The following PODXL2 variants were observed in gnomAD, a reference collection of about 807,000 sequenced individuals.
PODXL2 encodes podocalyxin-like protein 2.
A neutral mutation model predicts 53.4 loss-of-function variants in PODXL2; 17 were observed. The ratio of observed to expected loss-of-function variants is 0.32; its 90% CI spans 0.22 to 0.48. The LOEUF (loss-of-function observed/expected upper bound fraction) is 0.48, where lower values mean the gene tolerates loss of function less well. Among genes scored for constraint, PODXL2 ranks in the 20% least tolerant of loss-of-function variants. The probability of loss-of-function intolerance (pLI) is 0.99; values close to 1 mark genes in which losing one functional copy is unlikely to be tolerated. For synonymous variants in PODXL2, 311 were observed against 306.7 expected (o/e 1.01, Z -0.15); for missense variants, 673 against 760.0 (o/e 0.89, Z 1.35).
intron 2 of PODXL2, among the ~76,000 whole-genome samples, chr3:127,645,898 G>C (rs1320630049): frequency 6.6e-6 from 1 of 152,310 alleles, no homozygotes; most frequent in African/African-American, 2.4e-5. Context: ...CCTCTTGGGG[G>C]TTGGAGGAGT....
At chr3:127,662,195 T>A in intron 3 of PODXL2, 42 bp from the exon 4 acceptor site, 1 of 1,562,624 alleles carries the variant, frequency 6.4e-7, no homozygotes, top group Non-Finnish European at 8.8e-7. Flanking sequence ...CCCTTTCCTA[T>A]GCCTTCGTAA....
chr3:127,654,746 T>C (rs1334527322), intron 2 of PODXL2, among the ~76,000 whole-genome samples: 1 of 152,182 alleles, frequency 6.6e-6, no homozygotes. Flanking sequence ...CACTTCCACT[T>C]TTCCTGTTAT....
intron 2 of PODXL2, among the ~76,000 whole-genome samples, chr3:127,648,951 C>T (rs920389121): frequency 1.3e-5 from 2 of 151,928 alleles, no homozygotes; most frequent in Non-Finnish European, 2.9e-5. Flanking sequence ...GCCACCACCC[C>T]CAGCTAATTT....
chr3:127,642,330 C>G (rs547777894), intron 2 of PODXL2, among the ~76,000 whole-genome samples: 1 of 151,046 alleles, frequency 6.6e-6, no homozygotes, highest in East Asian at 1.9e-4. Context: ...CAGCATCCCA[C>G]GCGGAAACAG....
At chr3:127,645,523 A>G (rs1371642098) in intron 2 of PODXL2, among the ~76,000 whole-genome samples, 1 of 152,190 alleles carries the variant, frequency 6.6e-6, no homozygotes, top group East Asian at 1.9e-4. Context: ...GGGGCTCCTG[A>G]CCGAGCATGG....
In PODXL2 at chr3:127,660,664, C is replaced by G. The variant is rs2074760068; in HGVS notation, c.636C>G (p.Ser212Arg). 2 of 1,614,086 alleles carry G rather than the reference C, an allele frequency of 1.2e-6. No individual in the cohort carries two copies. Among genetic ancestry groups the G allele is most frequent in the African/African-American group, 2.7e-5 (2 of 74,922 alleles). The change falls in exon 3 of 8, where the codon AGC becomes AGG. Residue 212 changes from serine (S) to arginine (R), a missense_variant. Coordinates refer to ENST00000342480, the MANE Select transcript of PODXL2 (RefSeq NM_015720.4). ...GTGACTTTTCTCTCACCAGCAGCAG[C>G]CAGACCCCAGGGGCCACCAAAAGCA... ...QVRDFSLTSS[S>R]QTPGATKSRH...
At chr3:127,671,963 G>C (rs558650634) in intron 7 of PODXL2, among the ~76,000 whole-genome samples, 2 of 152,340 alleles carry the variant, frequency 1.3e-5, no homozygotes, top group East Asian at 1.9e-4. Flanking sequence ...CAGCAGCCTA[G>C]AGGCCTCCCC....
chr3:127,630,592 T>C (rs1037063415), intron 1 of PODXL2, among the ~76,000 whole-genome samples: 1 of 152,148 alleles, frequency 6.6e-6, no homozygotes, highest in Non-Finnish European at 1.5e-5. Context: ...GCCATGAACC[T>C]GGGACTCAGA....
chr3:127,655,393 G>C (rs1027450830), intron 2 of PODXL2, among the ~76,000 whole-genome samples: 11 of 152,070 alleles, frequency 7.2e-5, no homozygotes, highest in African/African-American at 2.7e-4. Flanking sequence ...GCAACAGAGT[G>C]AGACTCTGTC....
chr3:127,668,393 G>A, intron 4 of PODXL2, 48 bp from the exon 5 acceptor site: 1 of 1,450,990 alleles, frequency 6.9e-7, no homozygotes, highest in South Asian at 1.6e-5. Context: ...GGGCTCAGTA[G>A]AGCCCCTTTC....
Position 127,660,855 on chromosome 3 carries a change from G to A in PODXL2, c.827G>A (p.Gly276Glu), listed in dbSNP as rs2074762607. 1.2e-6 allele frequency: 2 copies of A among 1,614,124 alleles called. No individual in the cohort carries two copies. The highest frequency in any genetic ancestry group is 3.3e-5 in the Admixed American group (2 of 60,006). ...EATVLPAAGL[G>E]VEFEAPQEAS... ...ACAGTGCTGCCAGCTGCAGGGCTTGGGGTAGAGTTCGAGGCTCCTCAGGAA... is the reference window on the plus strand; with the variant it reads ...ACAGTGCTGCCAGCTGCAGGGCTTGAGGTAGAGTTCGAGGCTCCTCAGGAA... The change falls in exon 3 of 8, where the codon GGG (glycine) becomes GAG (glutamate). Residue 276 changes from glycine (G) to glutamate (E), a missense_variant. Coordinates refer to ENST00000342480, the MANE Select transcript of PODXL2 (RefSeq NM_015720.4).
chr3:127,654,882 G>GTTT (rs935725764), intron 2 of PODXL2, among the ~76,000 whole-genome samples: 1 of 152,162 alleles, frequency 6.6e-6, no homozygotes, highest in African/African-American at 2.4e-5. Flanking sequence ...GAAGTCAGGA[G>GTTT]TTTGAGACCA....
At chr3:127,648,087 G>T (rs750965395) in intron 2 of PODXL2, among the ~76,000 whole-genome samples, 2 of 152,138 alleles carry the variant, frequency 1.3e-5, no homozygotes, top group Non-Finnish European at 2.9e-5. Flanking sequence ...GGCATGATTA[G>T]ATCACTGTTT....
At chr3:127,661,279 A>G (rs2074765930) in intron 3 of PODXL2, 120 bp downstream of exon 3, 1 of 705,414 alleles carries the variant, frequency 1.4e-6, no homozygotes, top group Non-Finnish European at 2.4e-6. Flanking sequence ...CCCTTTCCAC[A>G]GCACGTAGAA....
chr3:127,660,414 C>T lies in PODXL2; in HGVS notation c.386C>T (p.Ser129Phe). 1 of 1,613,248 alleles carries T rather than the reference C, an allele frequency of 6.2e-7. No homozygotes were observed. Among genetic ancestry groups the T allele is most frequent in the Non-Finnish European group, 8.5e-7 (1 of 1,179,230 alleles). Residue 129 changes from serine (S) to phenylalanine (F), a missense_variant, in exon 3 of 8, where the codon TCC becomes TTC. By Grantham distance (155) the Ser-to-Phe change is radical. Transcript: ENST00000342480. ...CCTGACTTAACTGAGAAGGCAGGTT[C>T]CATTGAAGACACCAGCCAGGCTCAA... The part of the protein sequence containing the change: ...VFPDLTEKAG[S>F]IEDTSQAQEL...
chr3:127,631,481 A>G (rs945877945), intron 1 of PODXL2, among the ~76,000 whole-genome samples: 10 of 151,934 alleles, frequency 6.6e-5, no homozygotes, highest in Admixed American at 5.2e-4. Context: ...TCAGATTTTC[A>G]TTTCTTTGAG....
chr3:127,658,028 T>G (rs1179232636), intron 2 of PODXL2, among the ~76,000 whole-genome samples: 4 of 152,224 alleles, frequency 2.6e-5, no homozygotes, highest in Non-Finnish European at 5.9e-5. Flanking sequence ...AGGCTGGCTT[T>G]CTTAAAATGT....
intron 6 of PODXL2, 68 bp downstream of exon 6, chr3:127,669,270 C>A: frequency 9.1e-7 from 1 of 1,101,024 alleles, no homozygotes; most frequent in Non-Finnish European, 1.4e-6. Flanking sequence ...TCCTCAAAGT[C>A]CCAGGAGTCT....
At chr3:127,650,895 G>A (rs991140010) in intron 2 of PODXL2, among the ~76,000 whole-genome samples, 35 of 152,116 alleles carry the variant, frequency 2.3e-4, no homozygotes, top group Admixed American at 6.5e-4. Flanking sequence ...TCCTGACCTC[G>A]TGATCCACCC....
Sources: allele counts gnomAD v4.1 joint callset (sites outside exome capture counted in the v4.1 genomes callset), GRCh38; gene constraint gnomAD v4.1.1; transcripts MANE v1.5; gene names NCBI Gene and HGNC (gene_info 2026-07-23, HGNC 2026-07-21).